The following CDH2 variants were observed in gnomAD, a reference collection of about 807,000 sequenced individuals.
CDH2 encodes the protein cadherin-2.
A neutral mutation model predicts 92.0 loss-of-function variants in CDH2; 17 were observed. The ratio of observed to expected loss-of-function variants is 0.18; its 90% confidence interval spans 0.13 to 0.28. The LOEUF is 0.28. Among genes scored for constraint, CDH2 ranks in the 10% least tolerant of loss-of-function variants. The pLI is 1.00. For synonymous variants in CDH2, 419 were observed against 415.9 expected (o/e 1.01, Z -0.09); for missense variants, 862 against 1,133.1 (o/e 0.76, Z 3.44).
Position 28,116,385 on chromosome 18 carries a change from T to C in CDH2, c.172+31288A>G, listed in dbSNP as rs2015496502. ...AATAATGTGACATTTTTGAATCATG[T>C]TTTAAATTTTACTGTTTTAGCACAT... On this transcript the variant is annotated intron_variant, in intron 2 of 15. Coordinates refer to ENST00000269141, the MANE Select transcript of CDH2 (RefSeq NM_001792.5). 2.0e-5 allele frequency among the ~76,000 whole-genome samples: 3 copies of C among 152,194 alleles called. No homozygotes were observed. The South Asian group carries it at 6.2e-4, about 31-fold the overall frequency.
chr18:28,134,135 C>T (rs1205751000), intron 2 of CDH2, among the ~76,000 whole-genome samples: 2 of 91,572 alleles, frequency 2.2e-5, no homozygotes. Flanking sequence ...ACTAAATTTA[C>T]AAAAAAAAAA....
rs149082930 is a variant in CDH2, at chr18:28,111,882, G to C, written c.172+35791C>G. On this transcript the variant is annotated intron_variant, in intron 2 of 15. Transcript: ENST00000269141. ...AAATAACAAGAAAAAAATGTAAACA[G>C]TTTAAACTGCAGTTAAAATAATTAC... Among the ~76,000 whole-genome samples, 608 of 152,190 alleles carry C rather than the reference G, an allele frequency of 4.0e-3. 7 individuals carry two copies. The highest frequency in any genetic ancestry group is 0.014 in the African/African-American group (589 of 41,554).
intron 7 of CDH2, among the ~76,000 whole-genome samples, chr18:28,000,366 T>C (rs948858365): frequency 2.0e-5 from 3 of 152,170 alleles, no homozygotes; most frequent in African/African-American, 7.2e-5. Context: ...CCTCCCAAAA[T>C]GCTGTGATTA....
At chr18:27,997,415 T>G (rs1189650510) in intron 7 of CDH2, among the ~76,000 whole-genome samples, 1 of 152,160 alleles carries the variant, frequency 6.6e-6, no homozygotes, top group Non-Finnish European at 1.5e-5. Context: ...CAGGACCATA[T>G]AGAGCCACCA....
chr18:28,123,687 A>G (rs1254553275), intron 2 of CDH2, among the ~76,000 whole-genome samples: 1 of 152,170 alleles, frequency 6.6e-6, no homozygotes, highest in African/African-American at 2.4e-5. Flanking sequence ...GATGCTTGGA[A>G]GGGAATTGAA....
chr18:28,054,683 T>C (rs1387102631), intron 2 of CDH2, among the ~76,000 whole-genome samples: 1 of 152,156 alleles, frequency 6.6e-6, no homozygotes, highest in Non-Finnish European at 1.5e-5. Context: ...TCCCTACTAA[T>C]GGAAGCCCCG....
chr18:28,078,931 T>G (rs1039567017), intron 2 of CDH2, among the ~76,000 whole-genome samples: 12 of 152,108 alleles, frequency 7.9e-5, no homozygotes, highest in Admixed American at 3.3e-4. Flanking sequence ...AATAACCTCA[T>G]TCCTCCACAC....
At chr18:28,043,216 T>C (rs545429313) in intron 2 of CDH2, among the ~76,000 whole-genome samples, 3 of 152,000 alleles carry the variant, frequency 2.0e-5, no homozygotes, top group South Asian at 2.1e-4. Flanking sequence ...CCAAATATCA[T>C]ATGTTCTCAC....
At chr18:28,115,566 C>T (rs2015483144) in intron 2 of CDH2, among the ~76,000 whole-genome samples, 1 of 152,110 alleles carries the variant, frequency 6.6e-6, no homozygotes, top group Non-Finnish European at 1.5e-5. Flanking sequence ...ATACCAGGGC[C>T]CCCAGCTACA....
intron 2 of CDH2, among the ~76,000 whole-genome samples, chr18:28,083,829 T>A (rs1414033915): frequency 6.6e-6 from 1 of 152,218 alleles, no homozygotes; most frequent in Admixed American, 6.5e-5. Flanking sequence ...TGACAATCAC[T>A]GTTCTAATCC....
chr18:28,158,480 C>T (rs2016255693), intron 1 of CDH2, among the ~76,000 whole-genome samples: 1 of 152,174 alleles, frequency 6.6e-6, no homozygotes, highest in South Asian at 2.1e-4. Flanking sequence ...TGGATAGTTT[C>T]ACAGTGTAAC....
intron 2 of CDH2, among the ~76,000 whole-genome samples, chr18:28,136,359 T>C (rs2015861571): frequency 1.3e-5 from 2 of 151,934 alleles, no homozygotes; most frequent in Non-Finnish European, 2.9e-5. Context: ...TGAGAAGTAG[T>C]TTATGGGCCA....
chr18:28,176,011 G>A (rs755431617), intron 1 of CDH2, among the ~76,000 whole-genome samples: 7 of 152,224 alleles, frequency 4.6e-5, no homozygotes, highest in African/African-American at 1.7e-4. Flanking sequence ...CGGGTTGGAG[G>A]CGGCGGAAAG....
rs114360836 is a variant in CDH2, at chr18:28,160,923, G to A, written c.61-13139C>T. On this transcript the variant is annotated intron_variant, in intron 1 of 15. Transcript: ENST00000269141. ...CTGGCATCTGAGATACTGTCACCTAGCACAAGGTTCAGAAATGTCCAATGA... is the reference window on the plus strand; with the variant it reads ...CTGGCATCTGAGATACTGTCACCTAACACAAGGTTCAGAAATGTCCAATGA... Among the ~76,000 whole-genome samples the A allele has an allele frequency of 2.2e-3, 336 of 152,242 alleles. 1 individual carries two copies. The highest frequency in any genetic ancestry group is 7.7e-3 in the African/African-American group (318 of 41,532).
intron 7 of CDH2, among the ~76,000 whole-genome samples, chr18:27,999,080 T>C (rs530959293): frequency 3.9e-4 from 60 of 152,300 alleles, no homozygotes; most frequent in African/African-American, 1.4e-3. Context: ...AGAGAAGGGA[T>C]TGAGAACTGG....
intron 2 of CDH2, among the ~76,000 whole-genome samples, chr18:28,059,963 C>A (rs472901): frequency 6.6e-6 from 1 of 152,048 alleles, no homozygotes; most frequent in African/African-American, 2.4e-5. Flanking sequence ...TTCAAATTCT[C>A]TAATTTCATG....
At chr18:28,025,310 G>C (rs1005633091) in intron 2 of CDH2, among the ~76,000 whole-genome samples, 20 of 152,226 alleles carry the variant, frequency 1.3e-4, no homozygotes, top group African/African-American at 4.8e-4. Context: ...CTAAACTCAG[G>C]AGTTCGAGAC....
At chr18:28,032,308 C>A (rs1396489093) in intron 2 of CDH2, among the ~76,000 whole-genome samples, 2 of 152,038 alleles carry the variant, frequency 1.3e-5, no homozygotes, top group Non-Finnish European at 2.9e-5. Flanking sequence ...GGACTAGGCA[C>A]AAAGAAATTT....
intron 2 of CDH2, among the ~76,000 whole-genome samples, chr18:28,093,080 T>C (rs1278196212): frequency 6.6e-6 from 1 of 152,160 alleles, no homozygotes; most frequent in Non-Finnish European, 1.5e-5. Flanking sequence ...CACGATCTAG[T>C]AGGTACTGCA....
Sources: gnomAD v4.1 joint callset for allele counts (sites outside exome capture counted in the v4.1 genomes callset) on GRCh38, gnomAD v4.1.1 for gene constraint, MANE v1.5 for transcripts, NCBI Gene and HGNC (gene_info 2026-07-23, HGNC 2026-07-21) for gene names.